Variants in CPAP observed in about 807,000 individuals in gnomAD.
CPAP encodes the protein centrosome assembly and centriole elongation protein, also known as centrosomal P4.1-associated protein.
At chr13:24,888,800 G>A in the CPAP span, among the ~76,000 whole-genome samples, 1 of 152,042 alleles carries the variant, frequency 6.6e-6, no homozygotes, top group Non-Finnish European at 1.5e-5. Flanking sequence ...ATCAACTGGA[G>A]GTTTTATGTG....
chr13:24,920,825 C>T, the CPAP span, among the ~76,000 whole-genome samples: 1 of 148,868 alleles, frequency 6.7e-6, no homozygotes, highest in Non-Finnish European at 1.5e-5. Context: ...CGGGGTTTCA[C>T]TATGTTAGTC....
the CPAP span, among the ~76,000 whole-genome samples, chr13:24,931,879 AAGCCG>A: frequency 6.6e-6 from 1 of 152,116 alleles, no homozygotes; most frequent in African/African-American, 2.4e-5. Flanking sequence ...ACCTCTCCCA[AAGCCG>A]AGCTTTGGAT....
At chr13:24,901,029 G>A in the CPAP span, among the ~76,000 whole-genome samples, 28 of 152,322 alleles carry the variant, frequency 1.8e-4, no homozygotes, top group East Asian at 5.2e-3. Context: ...CAACGAGGCA[G>A]TGGGATAGGA....
the CPAP span, among the ~76,000 whole-genome samples, chr13:24,890,780 C>T: frequency 3.3e-5 from 5 of 152,072 alleles, no homozygotes; most frequent in Admixed American, 3.3e-4. Context: ...TATGCCTGCA[C>T]CTCCCGCCTC....
chr13:24,910,873 T>A, the CPAP span, among the ~76,000 whole-genome samples: 1 of 152,182 alleles, frequency 6.6e-6, no homozygotes, highest in Non-Finnish European at 1.5e-5. Context: ...AAGATAAACA[T>A]CCAAATTCCC....
At chr13:24,885,423 C>G in the CPAP span, 1 of 1,428,322 alleles carries the variant, frequency 7.0e-7, no homozygotes, top group South Asian at 1.1e-5. Flanking sequence ...CTAAAACCTA[C>G]TCTTACTTCC....
chr13:24,904,178 T>C, the CPAP span: 1 of 1,128,500 alleles, frequency 8.9e-7, no homozygotes, highest in Non-Finnish European at 1.3e-6. Flanking sequence ...TAAAATGCAT[T>C]AGAAACAATG....
chr13:24,904,134 T>G, the CPAP span: 5 of 1,515,984 alleles, frequency 3.3e-6, no homozygotes, highest in East Asian at 1.1e-4. Flanking sequence ...CTAGTAACAC[T>G]AAGAGCCAAG....
the CPAP span, chr13:24,889,078 A>G: frequency 2.9e-5 from 15 of 516,784 alleles, no homozygotes; most frequent in Middle Eastern, 5.3e-4. Flanking sequence ...CTCGACCAGT[A>G]TAACAATTTA....
the CPAP span, among the ~76,000 whole-genome samples, chr13:24,900,660 A>C: frequency 2.6e-5 from 4 of 152,180 alleles, no homozygotes; most frequent in East Asian, 7.7e-4. Context: ...AAGAGGAAGG[A>C]GGCCTTGATC....
At chr13:24,885,018 A>G in the CPAP span, among the ~76,000 whole-genome samples, 2 of 152,248 alleles carry the variant, frequency 1.3e-5, no homozygotes, top group Non-Finnish European at 2.9e-5. Context: ...ACTCAGGATC[A>G]GTATAAGAAA....
chr13:24,884,423 A>AAC, the CPAP span: 1 of 1,614,096 alleles, frequency 6.2e-7, no homozygotes, highest in Non-Finnish European at 8.5e-7. Context: ...TCCATTGGGA[A>AAC]ACAGTATAAC....
chr13:24,921,118 T>G, the CPAP span, among the ~76,000 whole-genome samples: 1 of 152,120 alleles, frequency 6.6e-6, no homozygotes, highest in Admixed American at 6.5e-5. Context: ...ACACACAACT[T>G]TGCTCCAAGA....
the CPAP span, chr13:24,933,629 A>G: frequency 6.5e-6 from 1 of 152,708 alleles, no homozygotes; most frequent in African/African-American, 2.4e-5. Flanking sequence ...GCAGGAAGCT[A>G]CATTCCATCT....
chr13:24,916,638 A>T, the CPAP span, among the ~76,000 whole-genome samples: 1 of 152,262 alleles, frequency 6.6e-6, no homozygotes, highest in Non-Finnish European at 1.5e-5. Context: ...CTTACTGAGC[A>T]AATAAACTGG....
chr13:24,929,578 A>T, the CPAP span, among the ~76,000 whole-genome samples: 1 of 152,230 alleles, frequency 6.6e-6, no homozygotes, highest in African/African-American at 2.4e-5. Context: ...GTTTGATTAT[A>T]ATATAATGCT....
chr13:24,912,090 C>A, the CPAP span: 2 of 1,606,834 alleles, frequency 1.2e-6, no homozygotes, highest in Middle Eastern at 3.3e-4. Context: ...ACAAAATTAA[C>A]TTTATTAAAT....
At chr13:24,883,408 AAT>A in the CPAP span, 5 of 1,452,868 alleles carry the variant, frequency 3.4e-6, no homozygotes, top group Admixed American at 1.9e-5. Flanking sequence ...TTAAAAAAAA[AAT>A]AATAGAAAAT....
the CPAP span, chr13:24,905,751 A>C: frequency 6.2e-7 from 1 of 1,614,142 alleles, no homozygotes; most frequent in South Asian, 1.1e-5. Flanking sequence ...TCGCTACTGT[A>C]ATCTTTATCA....
Sources: allele counts gnomAD v4.1 joint callset (sites outside exome capture counted in the v4.1 genomes callset), GRCh38; gene constraint gnomAD v4.1.1; transcripts MANE v1.5; gene names NCBI Gene and HGNC (gene_info 2026-07-23, HGNC 2026-07-21).